SAMM50: variants seen among roughly 807,000 people sequenced by gnomAD.
SAMM50 encodes the protein sorting and assembly machinery component 50 homolog.
In SAMM50, 47 loss-of-function variants were observed where a neutral mutation model predicts 66.9. That is an observed-to-expected ratio of 0.70 (90% CI 0.56 to 0.90). The LOEUF (loss-of-function observed/expected upper bound fraction) is 0.90, where lower values mean the gene tolerates loss of function less well. SAMM50 is among the 40% of genes least tolerant of loss of function. The pLI is 0.00. For missense variants in SAMM50, 535 were observed against 595.3 expected (o/e 0.90, Z 1.05); for synonymous variants, 191 against 214.1 (o/e 0.89, Z 0.94).
intron 12 of SAMM50, among the ~76,000 whole-genome samples, chr22:43,985,018 C>T (rs775809586): frequency 1.3e-5 from 2 of 151,972 alleles, no homozygotes; most frequent in African/African-American, 4.8e-5. Flanking sequence ...CCATTTTTAA[C>T]AGGTACATAT....
At position 43,972,940 on chromosome 22, in the gene SAMM50, A is replaced by T. The variant is rs2050211316; in HGVS notation, c.499A>T (p.Thr167Ser). ...EKVTFQFSYGTKETSYGLSFF... is the reference protein window; with the variant it reads ...EKVTFQFSYGSKETSYGLSFF... ...GGTGACCTTTCAGTTTTCCTATGGA[A>T]CAAAAGAAACTTCGTATGGCCTGTC... Residue 167 changes from threonine (T) to serine (S), a missense_variant, in exon 6 of 15, where the codon ACA (threonine) becomes TCA (serine). Physicochemically the swap from Thr to Ser is moderately conservative, Grantham distance 58 (BLOSUM62 1). Transcript: ENST00000350028. 4.4e-6 allele frequency: 7 copies of T among 1,602,268 alleles called. No homozygotes were observed. Among genetic ancestry groups the T allele is most frequent in the Non-Finnish European group, 5.9e-6 (7 of 1,177,568 alleles).
At chr22:43,989,414 G>C (rs1396662885) in intron 13 of SAMM50, among the ~76,000 whole-genome samples, 157 bp downstream of exon 13, 3 of 147,432 alleles carry the variant, frequency 2.0e-5, no homozygotes, top group Non-Finnish European at 4.4e-5. Flanking sequence ...TCGGCTCACT[G>C]CAACCTCCAC....
At position 43,965,264 on chromosome 22, in the gene SAMM50, G is replaced by A. The variant is rs188038761; in HGVS notation, c.234+711G>A. Among the ~76,000 whole-genome samples the A allele has an allele frequency of 2.7e-4, 41 of 151,296 alleles. 1 individual carries two copies. Among genetic ancestry groups the A allele is most frequent in the Admixed American group, 2.3e-3 (35 of 15,198 alleles). ...TCTGTTGCCCAGGCTGGAGTGCAGT[G>A]ACACAATCTCAGCTCACTGCAACCT... On this transcript the variant is annotated intron_variant, in intron 3 of 14. Coordinates refer to ENST00000350028, the MANE Select transcript of SAMM50 (RefSeq NM_015380.5).
intron 1 of SAMM50, 65 bp from the exon 2 acceptor site, chr22:43,963,221 T>C (rs1569024880): frequency 1.0e-6 from 1 of 1,000,296 alleles, no homozygotes; most frequent in South Asian, 1.6e-5. Context: ...AAGACAAAAC[T>C]CAAAGGTAAG....
At chr22:43,959,707 C>T (rs2146804775) in intron 1 of SAMM50, among the ~76,000 whole-genome samples, 1 of 152,200 alleles carries the variant, frequency 6.6e-6, no homozygotes, top group African/African-American at 2.4e-5. Context: ...ACCAAACACT[C>T]ACCCCATGCC....
intron 4 of SAMM50, among the ~76,000 whole-genome samples, chr22:43,970,839 ATAAAG>A (rs1017014584): frequency 3.9e-4 from 59 of 152,248 alleles, no homozygotes; most frequent in African/African-American, 1.3e-3. Context: ...TAAATAAAAA[ATAAAG>A]TAAAATAAAA....
At chr22:43,959,047 C>G (rs902054415) in intron 1 of SAMM50, among the ~76,000 whole-genome samples, 2 of 121,690 alleles carry the variant, frequency 1.6e-5, no homozygotes, top group African/African-American at 6.5e-5. Flanking sequence ...GAGATGGAGT[C>G]TTGCTCTGTC....
At chr22:43,969,671 C>T (rs560916971) in intron 4 of SAMM50, among the ~76,000 whole-genome samples, 37 of 152,220 alleles carry the variant, frequency 2.4e-4, no homozygotes, top group African/African-American at 7.9e-4. Context: ...TGCATCTGAG[C>T]GAGTATGGGG....
At chr22:43,989,343 T>C (rs1254828442) in intron 13 of SAMM50, 86 bp downstream of exon 13, 3 of 1,336,090 alleles carry the variant, frequency 2.2e-6, no homozygotes, top group Non-Finnish European at 3.0e-6. Flanking sequence ...GTCTGTCTTT[T>C]TTTTTTTTTT....
Position 43,963,204 on chromosome 22 carries a change from C to G in SAMM50, c.22-82C>G, listed in dbSNP as rs2050156188. The stretch of plus-strand genomic sequence containing the variant: ...AACAACTACTGAATTTTCTGCAGCA[C>G]CATCTAAAGACAAAACTCAAAGGTA... On this transcript the variant is annotated intron_variant, in intron 1 of 14. Transcript: ENST00000350028. 3.7e-6 allele frequency: 3 copies of G among 810,748 alleles called. No homozygotes were observed. The Admixed American group carries it at 7.6e-5, about 21-fold the overall frequency. The allele number at this position is 810,748 out of a possible 1,614,324, so 50.2% of individuals were successfully genotyped here.
chr22:43,974,130 C>G (rs144363288), intron 7 of SAMM50, among the ~76,000 whole-genome samples: 58 of 152,260 alleles, frequency 3.8e-4, no homozygotes, highest in African/African-American at 1.3e-3. Context: ...GAGTCGTTCC[C>G]CACATGTGGT....
rs188315500 is a variant in SAMM50, at chr22:43,989,008, G to A, written c.1076-103G>A. 9.2e-5 allele frequency: 107 copies of A among 1,163,274 alleles called. 3 individuals carry two copies. The South Asian group carries it at 1.1e-3, about 12-fold the overall frequency. 72.1% of individuals were successfully genotyped at this position (1,163,274 alleles called of 1,614,324 possible). ...CTTGCAAACTCCAGCACTGTGTGGC[G>A]TTGTTTACAGGACAGAAATCTTGCT... On this transcript the variant is annotated intron_variant, in intron 12 of 14. Coordinates refer to ENST00000350028, the MANE Select transcript of SAMM50 (RefSeq NM_015380.5).
intron 1 of SAMM50, among the ~76,000 whole-genome samples, chr22:43,956,093 T>A (rs539363501): frequency 3.0e-4 from 45 of 152,214 alleles, no homozygotes; most frequent in Admixed American, 2.5e-3. Context: ...CTTCCTGTTT[T>A]AAAGTGGAGG....
At chr22:43,993,105 C>A (rs1476761697) in intron 14 of SAMM50, among the ~76,000 whole-genome samples, 1 of 152,242 alleles carries the variant, frequency 6.6e-6, no homozygotes, top group Non-Finnish European at 1.5e-5. Flanking sequence ...TGAATCCTTG[C>A]AGGTAGCCCC....
At chr22:43,970,586 G>A (rs1166637510) in intron 4 of SAMM50, among the ~76,000 whole-genome samples, 1 of 152,186 alleles carries the variant, frequency 6.6e-6, no homozygotes, top group Non-Finnish European at 1.5e-5. Flanking sequence ...GAAGTCACTG[G>A]ACTTGAGTTA....
chr22:43,990,248 G>A lies in SAMM50; in HGVS notation c.1223-17G>A, dbSNP rs746663676. The A allele has an allele frequency of 6.2e-7, 1 of 1,614,154 alleles. No individual in the cohort carries two copies. Among genetic ancestry groups the A allele is most frequent in the Non-Finnish European group, 8.5e-7 (1 of 1,180,004 alleles). On this transcript the variant is annotated splice_polypyrimidine_tract_variant and intron_variant, in intron 13 of 14. Transcript: ENST00000350028. ...GGACGGGCACGCACTGTTGCTCACA[G>A]GTCTTTCTCTTTTCAGGGGAGGGCC... is the stretch of plus-strand genomic sequence containing the variant.
At chr22:43,963,100 G>A in intron 1 of SAMM50, 186 bp from the exon 2 acceptor site, 2 of 424,002 alleles carry the variant, frequency 4.7e-6, no homozygotes, top group Non-Finnish European at 8.5e-6. Context: ...ACCAAGCCAA[G>A]AACTTGCTCA....
intron 14 of SAMM50, among the ~76,000 whole-genome samples, chr22:43,993,376 CT>C (rs2050336183): frequency 6.6e-6 from 1 of 152,238 alleles, no homozygotes. Flanking sequence ...GTCAACGCGG[CT>C]TTTAGGAGCT....
chr22:43,973,546 AC>A (rs949747741), intron 7 of SAMM50, among the ~76,000 whole-genome samples: 2 of 152,126 alleles, frequency 1.3e-5, no homozygotes, highest in African/African-American at 4.8e-5. Context: ...GGTCCTGACT[AC>A]CCGAGGCACC....
Sources: gnomAD v4.1 joint callset for allele counts (sites outside exome capture counted in the v4.1 genomes callset) on GRCh38, gnomAD v4.1.1 for gene constraint, MANE v1.5 for transcripts, NCBI Gene and HGNC (gene_info 2026-07-23, HGNC 2026-07-21) for gene names.